GTF2E2: variants seen among roughly 807,000 people sequenced by gnomAD.
GTF2E2 encodes general transcription factor IIE subunit 2.
A neutral mutation model predicts 40.5 loss-of-function variants in GTF2E2; 21 were observed. That is an observed-to-expected ratio of 0.52 (90% CI 0.37 to 0.75). GTF2E2 has a LOEUF of 0.75. Ranked by LOEUF, GTF2E2 falls within the 30% of genes least tolerant of loss-of-function variation. The probability of loss-of-function intolerance (pLI) is 0.00; values close to 1 mark genes in which losing one functional copy is unlikely to be tolerated. For synonymous variants in GTF2E2, 117 were observed against 121.6 expected (o/e 0.96, Z 0.25); for missense variants, 298 against 338.4 (o/e 0.88, Z 0.94).
chr8:30,584,471 G>C (rs1167465596), intron 6 of GTF2E2: 1 of 152,160 alleles, frequency 6.6e-6, no homozygotes, highest in Non-Finnish European at 1.5e-5. Context: ...CAAGTATCAT[G>C]AAAGTCAGGC....
In GTF2E2 at chr8:30,578,810, C is replaced by T. The variant is rs529694480; in HGVS notation, c.*111G>A. 9.9e-5 allele frequency: 70 copies of T among 708,102 alleles called. No individual in the cohort carries two copies. Among genetic ancestry groups the T allele is most frequent in the Admixed American group, 4.6e-4 (23 of 49,916 alleles). 43.9% of individuals were successfully genotyped at this position (708,102 alleles called of 1,614,324 possible). ...CACTTGTTTTGTAAACTGAACTGCT[C>T]CTCTCCTCAGCCGCAAGAAGCAGAT... On this transcript the variant is annotated 3_prime_UTR_variant, in exon 8 of 8. Transcript: ENST00000355904.
At chr8:30,644,249 C>T (rs1279539311) in intron 2 of GTF2E2, among the ~76,000 whole-genome samples, 3 of 152,170 alleles carry the variant, frequency 2.0e-5, no homozygotes, top group Non-Finnish European at 4.4e-5. Context: ...AATACTGAAA[C>T]TTGAACTCAC....
chr8:30,635,059 A>T lies in GTF2E2; in HGVS notation c.231T>A (p.Val77=). The change falls in exon 3 of 8, where the codon GTT becomes GTA. Residue 77 remains valine, a synonymous_variant. Transcript: ENST00000355904. ...TCATGTAATTCACAATCTTAGCAAG[A>T]ACACCAAACTTATATCCAGAGCTTC... ...LSGSSGYKFG[V]LAKIVNYMKT... 1 of 1,603,340 alleles carries T rather than the reference A, an allele frequency of 6.2e-7. No individual in the cohort carries two copies. Among genetic ancestry groups the T allele is most frequent in the Non-Finnish European group, 8.5e-7 (1 of 1,171,100 alleles).
chr8:30,650,652 C>A (rs769354053), intron 2 of GTF2E2, among the ~76,000 whole-genome samples: 1 of 151,936 alleles, frequency 6.6e-6, no homozygotes, highest in Non-Finnish European at 1.5e-5. Context: ...GCCATGATCA[C>A]GCCAGCAGTG....
At chr8:30,595,602 G>C (rs1420599854) in intron 6 of GTF2E2, among the ~76,000 whole-genome samples, 2 of 152,126 alleles carry the variant, frequency 1.3e-5, no homozygotes, top group Non-Finnish European at 2.9e-5. Flanking sequence ...GGCTGAGAAG[G>C]GCAGACTGCT....
intron 2 of GTF2E2, among the ~76,000 whole-genome samples, chr8:30,648,134 T>C (rs1802157849): frequency 6.6e-6 from 1 of 152,118 alleles, no homozygotes. Context: ...AGAAAGAATA[T>C]TCCAGGAAGA....
intron 3 of GTF2E2, among the ~76,000 whole-genome samples, chr8:30,628,706 C>G (rs1801353883): frequency 3.3e-5 from 5 of 152,172 alleles, no homozygotes; most frequent in Admixed American, 2.6e-4. Context: ...CCGAGGCAGG[C>G]AGATCACGAA....
intron 5 of GTF2E2, among the ~76,000 whole-genome samples, chr8:30,611,737 C>G (rs1486712079): frequency 1.3e-5 from 2 of 152,166 alleles, no homozygotes; most frequent in Non-Finnish European, 2.9e-5. Context: ...GGCAAGTTTT[C>G]TTCTACAGGC....
chr8:30,582,574 G>A (rs1585930164), intron 6 of GTF2E2, among the ~76,000 whole-genome samples: 1 of 152,310 alleles, frequency 6.6e-6, no homozygotes, highest in South Asian at 2.1e-4. Context: ...TCTTGGCCCA[G>A]GATCCTGCCT....
chr8:30,582,316 T>C (rs367831915), intron 6 of GTF2E2, among the ~76,000 whole-genome samples: 3 of 152,232 alleles, frequency 2.0e-5, no homozygotes, highest in African/African-American at 4.8e-5. Context: ...CGAGCCACCA[T>C]GTCTGGCCTA....
intron 6 of GTF2E2, chr8:30,596,822 A>G (rs915157435): frequency 6.6e-6 from 1 of 152,156 alleles, no homozygotes; most frequent in Non-Finnish European, 1.5e-5. Context: ...GAGTCAATCT[A>G]TTGTCAGAAC....
rs538192005 is a variant in GTF2E2, at chr8:30,645,666, G to A, written c.166+7767C>T. On this transcript the variant is annotated intron_variant, in intron 2 of 7. Coordinates refer to ENST00000355904, the MANE Select transcript of GTF2E2 (RefSeq NM_002095.6). ...TCTTCTGAGAAAAAAAATATATTCT[G>A]AGGCCAACTGTTGCTACAAAACAAA... The A allele has an allele frequency of 1.3e-3, 1,862 of 1,405,694 alleles. 13 individuals are homozygous for A. Among genetic ancestry groups the A allele is most frequent in the South Asian group, 9.7e-3 (680 of 70,424 alleles). The allele number at this position is 1,405,694 out of a possible 1,614,324, so 87.1% of individuals were successfully genotyped here. A position where few individuals can be genotyped will look rare whatever the true frequency, so the allele number is the denominator to read the frequency against.
chr8:30,619,162 G>A (rs530819028), intron 3 of GTF2E2, among the ~76,000 whole-genome samples: 17 of 152,058 alleles, frequency 1.1e-4, no homozygotes, highest in Middle Eastern at 3.4e-3. Flanking sequence ...GGATGGTCTC[G>A]ATCTCCTGAC....
intron 2 of GTF2E2, among the ~76,000 whole-genome samples, chr8:30,642,320 T>A (rs11777467): frequency 3.4e-4 from 49 of 142,568 alleles, no homozygotes; most frequent in East Asian, 8.1e-4. Flanking sequence ...AGGAAAGGAA[T>A]AAAAGAATGG....
At chr8:30,599,870 C>A (rs1459503224) in intron 6 of GTF2E2, among the ~76,000 whole-genome samples, 5 of 152,122 alleles carry the variant, frequency 3.3e-5, no homozygotes, top group Non-Finnish European at 5.9e-5. Flanking sequence ...GCAGTCCCAG[C>A]TACTAGGGAG....
chr8:30,623,390 G>A (rs1321072592), intron 3 of GTF2E2, among the ~76,000 whole-genome samples: 3 of 151,980 alleles, frequency 2.0e-5, no homozygotes, highest in Non-Finnish European at 4.4e-5. Context: ...ATTTTTTATG[G>A]CTGCATAGTA....
chr8:30,608,013 T>C (rs911379320), intron 5 of GTF2E2, among the ~76,000 whole-genome samples: 1 of 152,048 alleles, frequency 6.6e-6, no homozygotes, highest in Non-Finnish European at 1.5e-5. Context: ...ATTGGAAGAG[T>C]CTTCTTGTTG....
intron 6 of GTF2E2, among the ~76,000 whole-genome samples, chr8:30,603,602 C>T (rs1408530225): frequency 6.6e-6 from 1 of 151,986 alleles, no homozygotes; most frequent in Non-Finnish European, 1.5e-5. Context: ...CTGCCAAGAA[C>T]GTTTATAAAC....
chr8:30,634,157 C>G (rs2128723462), intron 3 of GTF2E2, among the ~76,000 whole-genome samples: 2 of 152,264 alleles, frequency 1.3e-5, no homozygotes, highest in East Asian at 3.9e-4. Flanking sequence ...AGTTAAGATT[C>G]AAAGTCTTGG....
Sources: allele counts gnomAD v4.1 joint callset (sites outside exome capture counted in the v4.1 genomes callset), GRCh38; gene constraint gnomAD v4.1.1; transcripts MANE v1.5; gene names NCBI Gene and HGNC (gene_info 2026-07-23, HGNC 2026-07-21).